Variants in NEK10 observed in about 807,000 individuals in gnomAD.
NEK10 encodes NIMA related kinase 10.
In NEK10, 122 loss-of-function variants were observed where a neutral mutation model predicts 159.8. That is an observed-to-expected ratio of 0.76 (90% confidence interval 0.66 to 0.89). The LOEUF is 0.89. NEK10 is among the 40% of genes least tolerant of loss of function. The probability of loss-of-function intolerance (pLI) is 0.00; values close to 1 mark genes in which losing one functional copy is unlikely to be tolerated. For synonymous variants in NEK10, 466 were observed against 457.1 expected (o/e 1.02, Z -0.25); for missense variants, 1,342 against 1,323.1 (o/e 1.01, Z -0.22).
At chr3:27,201,696 AAT>A (rs1249836034) in intron 24 of NEK10, 116 bp from the exon 25 acceptor site, 6 of 708,490 alleles carry the variant, frequency 8.5e-6, no homozygotes, top group African/African-American at 1.8e-5. Flanking sequence ...TTCACACATA[AAT>A]TTTAGTCAGA....
chr3:27,163,066 A>G (rs966950173), intron 29 of NEK10, among the ~76,000 whole-genome samples: 1 of 152,124 alleles, frequency 6.6e-6, no homozygotes, highest in African/African-American at 2.4e-5. Context: ...AAGATTTAAA[A>G]TGTTATATAT....
At chr3:27,211,773 A>G (rs35031465) in intron 23 of NEK10, among the ~76,000 whole-genome samples, 36,006 of 152,188 alleles carry the variant, frequency 0.24, 4,589 homozygotes, top group Middle Eastern at 0.38. Context: ...TGGCCTCATG[A>G]AGTTTACATT....
At chr3:27,305,118 C>T (rs2044135084) in intron 11 of NEK10, 147 bp from the exon 12 acceptor site, 7 of 614,108 alleles carry the variant, frequency 1.1e-5, no homozygotes, top group Non-Finnish European at 2.0e-5. Context: ...GTAAGGAGCC[C>T]GATCAAAGCC....
chr3:27,254,130 G>A (rs1046086446), intron 23 of NEK10, among the ~76,000 whole-genome samples: 1 of 152,146 alleles, frequency 6.6e-6, no homozygotes, highest in African/African-American at 2.4e-5. Context: ...CCCACGGACC[G>A]CATGTAGCCC....
At chr3:27,164,719 C>G (rs1946327642) in intron 29 of NEK10, among the ~76,000 whole-genome samples, 1 of 152,156 alleles carries the variant, frequency 6.6e-6, no homozygotes, top group Non-Finnish European at 1.5e-5. Flanking sequence ...TTATTACATT[C>G]ATGCCATGTA....
At chr3:27,237,486 A>G (rs1323925685) in intron 23 of NEK10, among the ~76,000 whole-genome samples, 1 of 152,192 alleles carries the variant, frequency 6.6e-6, no homozygotes, top group Non-Finnish European at 1.5e-5. Context: ...ATAAATGTCC[A>G]TGAAATCTTC....
rs1239131255 is a variant in NEK10 at position 27,344,296 on chromosome 3, A to C, written c.338T>G (p.Leu113Trp). Reference sequence around the variant, plus strand: ...CCTGCTTATGAGTCTATTTTTCACCAAGGCGGTAAAGATCTCCTGAAATAG... The same window carrying C: ...CCTGCTTATGAGTCTATTTTTCACCCAGGCGGTAAAGATCTCCTGAAATAG... ...RKLFQEIFTA[L>W]VKNRLISREW... The change falls in exon 5 of 36, where the codon TTG (leucine) becomes TGG (tryptophan). Residue 113 changes from leucine to tryptophan, a missense_variant. Physicochemically the swap from Leu to Trp is moderately conservative, Grantham distance 61. Transcript: ENST00000691995. 6.3e-7 allele frequency: 1 copy of C among 1,592,866 alleles called. No individual in the cohort carries two copies. Among genetic ancestry groups the C allele is most frequent in the Non-Finnish European group, 8.6e-7 (1 of 1,164,780 alleles).
intron 11 of NEK10, among the ~76,000 whole-genome samples, chr3:27,306,629 C>T (rs1378890935): frequency 6.6e-6 from 1 of 152,094 alleles, no homozygotes; most frequent in Non-Finnish European, 1.5e-5. Flanking sequence ...AAATTCACAT[C>T]GTTATTTATC....
chr3:27,318,966 T>C (rs917387669), intron 6 of NEK10, among the ~76,000 whole-genome samples: 1 of 151,836 alleles, frequency 6.6e-6, no homozygotes, highest in Non-Finnish European at 1.5e-5. Flanking sequence ...AGGTTAAGAA[T>C]AGGAACGTGT....
chr3:27,193,053 A>C (rs1473337939), intron 25 of NEK10, among the ~76,000 whole-genome samples: 1 of 152,228 alleles, frequency 6.6e-6, no homozygotes, highest in Non-Finnish European at 1.5e-5. Context: ...TACCTACCTC[A>C]TTAAACTGGT....
chr3:27,122,501 G>A (rs1394448929), intron 32 of NEK10, among the ~76,000 whole-genome samples: 1 of 152,136 alleles, frequency 6.6e-6, no homozygotes. Context: ...CATCTGTGCT[G>A]CAGGGTTTCA....
intron 29 of NEK10, among the ~76,000 whole-genome samples, chr3:27,164,657 T>C (rs916598626): frequency 6.6e-6 from 1 of 152,238 alleles, no homozygotes; most frequent in African/African-American, 2.4e-5. Flanking sequence ...CCTCCATACT[T>C]AACAATGTGG....
chr3:27,355,190 C>T (rs1171022868), intron 1 of NEK10, among the ~76,000 whole-genome samples: 3 of 152,126 alleles, frequency 2.0e-5, no homozygotes, highest in Non-Finnish European at 4.4e-5. Context: ...TTTGCTTGAC[C>T]TCGCCAGATG....
At chr3:27,117,713 TC>T (rs1315572842) in intron 33 of NEK10, among the ~76,000 whole-genome samples, 1 of 152,212 alleles carries the variant, frequency 6.6e-6, no homozygotes, top group Admixed American at 6.5e-5. Context: ...CCTTGCAGAT[TC>T]TGGATATTAC....
intron 19 of NEK10, among the ~76,000 whole-genome samples, chr3:27,290,231 T>C (rs1244569799): frequency 2.6e-5 from 4 of 152,244 alleles, no homozygotes; most frequent in African/African-American, 9.6e-5. Flanking sequence ...TGAGGAATGT[T>C]AACAGCTTGG....
chr3:27,189,673 C>A (rs1011720913), intron 26 of NEK10, among the ~76,000 whole-genome samples: 1 of 151,904 alleles, frequency 6.6e-6, no homozygotes, highest in Non-Finnish European at 1.5e-5. Context: ...GAGAAAAATG[C>A]CAATTAACTG....
chr3:27,361,827 A>T (rs1035435479), intron 1 of NEK10, among the ~76,000 whole-genome samples: 6 of 152,182 alleles, frequency 3.9e-5, no homozygotes, highest in Non-Finnish European at 8.8e-5. Context: ...ATTTCATCTA[A>T]TAACATTTTA....
intron 26 of NEK10, among the ~76,000 whole-genome samples, chr3:27,189,492 G>T (rs1948926000): frequency 6.6e-6 from 1 of 152,024 alleles, no homozygotes; most frequent in Admixed American, 6.6e-5. Context: ...TCACTGGATT[G>T]TGTAACTGCA....
chr3:27,291,972 AC>A (rs1260718686), intron 16 of NEK10, among the ~76,000 whole-genome samples: 3 of 152,098 alleles, frequency 2.0e-5, no homozygotes, highest in African/African-American at 7.2e-5. Flanking sequence ...CAGCTCACTC[AC>A]TGATTAATTA....
Sources: gnomAD v4.1 joint callset for allele counts (sites outside exome capture counted in the v4.1 genomes callset) on GRCh38, gnomAD v4.1.1 for gene constraint, MANE v1.5 for transcripts, NCBI Gene and HGNC (gene_info 2026-07-23, HGNC 2026-07-21) for gene names.